Variants in PRDM5 observed in about 807,000 individuals in gnomAD.
PRDM5 encodes the protein PR domain zinc finger protein 5.
In PRDM5, 56 loss-of-function variants were observed where a neutral mutation model predicts 81.2. The observed-to-expected ratio is 0.69, with a 90% confidence interval of 0.56 to 0.86. PRDM5 has a LOEUF of 0.86. Among genes scored for constraint, PRDM5 ranks in the 40% least tolerant of loss-of-function variants. The pLI, the probability that PRDM5 is intolerant of heterozygous loss-of-function variation, is 0.00. For missense variants in PRDM5, 697 were observed against 770.1 expected (o/e 0.91, Z 1.12); for synonymous variants, 267 against 256.4 (o/e 1.04, Z -0.39).
At position 120,918,883 on chromosome 4, in the gene PRDM5, C is replaced by T. The variant is rs577602167; in HGVS notation, c.93+3633G>A. Among the ~76,000 whole-genome samples, 14 of 152,224 alleles carry T rather than the reference C, an allele frequency of 9.2e-5. No homozygotes were observed. In the South Asian group the frequency reaches 2.9e-3, roughly 32 times the overall value. On this transcript the variant is annotated intron_variant, in intron 1 of 15. Transcript: ENST00000264808. ...TGTCTGTTAACTCAGCAAAAAATTA[C>T]AAGATATAATTTTAGAAAAGGAGAG... is the stretch of plus-strand genomic sequence containing the variant.
At chr4:120,752,033 G>T (rs933443854) in intron 14 of PRDM5, among the ~76,000 whole-genome samples, 1 of 152,196 alleles carries the variant, frequency 6.6e-6, no homozygotes, top group Non-Finnish European at 1.5e-5. Flanking sequence ...ACTGAAATGT[G>T]TTATGGCCCA....
chr4:120,799,944 T>C (rs1484107417), intron 8 of PRDM5, among the ~76,000 whole-genome samples, 199 bp from the exon 9 acceptor site: 2 of 152,208 alleles, frequency 1.3e-5, no homozygotes, highest in African/African-American at 4.8e-5. Flanking sequence ...AAAAATATCT[T>C]TTGAGACATA....
At position 120,915,193 on chromosome 4, in the gene PRDM5, G is replaced by A. The variant is rs145564315; in HGVS notation, c.93+7323C>T. Among the ~76,000 whole-genome samples the A allele has an allele frequency of 3.7e-3, 565 of 152,038 alleles. 1 individual carries two copies. The highest frequency in any genetic ancestry group is 0.01 in the Middle Eastern group (3 of 294). On this transcript the variant is annotated intron_variant, in intron 1 of 15. Transcript: ENST00000264808. ...GTTTCCACCAAGAAGGTTAGTAAGAGTATCACTACTATCCTAACAATGAGA... is the reference window on the plus strand; with the variant it reads ...GTTTCCACCAAGAAGGTTAGTAAGAATATCACTACTATCCTAACAATGAGA...
At chr4:120,767,338 A>G (rs1746525087) in intron 13 of PRDM5, among the ~76,000 whole-genome samples, 1 of 152,218 alleles carries the variant, frequency 6.6e-6, no homozygotes, top group African/African-American at 2.4e-5. Flanking sequence ...CTGTCACTGT[A>G]CTGGACAGGA....
intron 13 of PRDM5, among the ~76,000 whole-genome samples, chr4:120,769,502 G>GAT (rs1746921587): frequency 6.6e-6 from 1 of 152,172 alleles, no homozygotes; most frequent in Non-Finnish European, 1.5e-5. Context: ...GTCGGTAGTT[G>GAT]ATAAGTCTCA....
chr4:120,784,482 T>C (rs1324329666), intron 11 of PRDM5, among the ~76,000 whole-genome samples: 1 of 152,156 alleles, frequency 6.6e-6, no homozygotes, highest in Admixed American at 6.6e-5. Flanking sequence ...TTGCTACTCC[T>C]TGCGCTGTGA....
chr4:120,802,754 G>GA (rs964295981), intron 8 of PRDM5, among the ~76,000 whole-genome samples: 1 of 152,102 alleles, frequency 6.6e-6, no homozygotes, highest in African/African-American at 2.4e-5. Context: ...CAAAGATGGG[G>GA]AAAAAAGCAG....
At chr4:120,779,799 A>G (rs1407291864) in intron 12 of PRDM5, among the ~76,000 whole-genome samples, 1 of 152,128 alleles carries the variant, frequency 6.6e-6, no homozygotes, top group African/African-American at 2.4e-5. Context: ...GCTACTTGGG[A>G]GTTTGAGGCT....
intron 14 of PRDM5, among the ~76,000 whole-genome samples, chr4:120,720,901 T>C (rs1188041483): frequency 2.0e-5 from 3 of 152,154 alleles, no homozygotes; most frequent in Non-Finnish European, 2.9e-5. Flanking sequence ...GGAAAATGAA[T>C]TGCACAAGCA....
chr4:120,713,541 T>C (rs1737315523), intron 14 of PRDM5, among the ~76,000 whole-genome samples: 1 of 152,242 alleles, frequency 6.6e-6, no homozygotes. Context: ...TTACATGTTT[T>C]AGATTGATCC....
intron 2 of PRDM5, among the ~76,000 whole-genome samples, chr4:120,900,002 A>T (rs80114095): frequency 0.066 from 10,039 of 152,272 alleles, 481 homozygotes; most frequent in Middle Eastern, 0.19. Context: ...GCATAGATAC[A>T]GAAAAAGGCA....
intron 3 of PRDM5, among the ~76,000 whole-genome samples, chr4:120,842,807 A>G (rs1173008433): frequency 3.3e-5 from 5 of 152,276 alleles, no homozygotes; most frequent in East Asian, 1.9e-4. Flanking sequence ...ACTATCACCA[A>G]TCCTATTACA....
intron 3 of PRDM5, among the ~76,000 whole-genome samples, chr4:120,825,308 A>C (rs1755817052): frequency 6.6e-6 from 1 of 152,180 alleles, no homozygotes; most frequent in African/African-American, 2.4e-5. Flanking sequence ...ACTATTTAAT[A>C]AAAACTTGAA....
intron 10 of PRDM5, among the ~76,000 whole-genome samples, chr4:120,795,032 C>T (rs1751153377): frequency 1.3e-5 from 2 of 152,134 alleles, no homozygotes; most frequent in Non-Finnish European, 1.5e-5. Context: ...GACATTAAGG[C>T]CCAATGGAAT....
chr4:120,698,388 T>C (rs1185243724), intron 15 of PRDM5, among the ~76,000 whole-genome samples: 1 of 152,186 alleles, frequency 6.6e-6, no homozygotes, highest in Non-Finnish European at 1.5e-5. Flanking sequence ...ATCTGGCCTT[T>C]TATTCCCCTT....
At chr4:120,902,388 G>T (rs576821141) in intron 2 of PRDM5, among the ~76,000 whole-genome samples, 4 of 152,290 alleles carry the variant, frequency 2.6e-5, no homozygotes, top group Non-Finnish European at 5.9e-5. Context: ...TAAAAACAAA[G>T]AATTATTGAG....
At position 120,849,987 on chromosome 4, in the gene PRDM5, G is replaced by A. The variant is rs181724654; in HGVS notation, c.300+3431C>T. ...GAAGAACTGTTTGCTTACTAGATCCGTCTTTGATAATTCAGATACTTAAGT... is the reference window on the plus strand; with the variant it reads ...GAAGAACTGTTTGCTTACTAGATCCATCTTTGATAATTCAGATACTTAAGT... On this transcript the variant is annotated intron_variant, in intron 3 of 15. Coordinates refer to ENST00000264808, the MANE Select transcript of PRDM5 (RefSeq NM_018699.4). Among the ~76,000 whole-genome samples, 55 of 152,050 alleles carry A rather than the reference G, an allele frequency of 3.6e-4. No homozygotes were observed. In the East Asian group the frequency reaches 9.3e-3, roughly 26 times the overall value.
At chr4:120,702,211 C>T (rs7437685) in intron 15 of PRDM5, among the ~76,000 whole-genome samples, 122,081 of 152,174 alleles carry the variant, frequency 0.8, 50,169 homozygotes, top group East Asian at 0.91. Context: ...GTTGAAATGA[C>T]TTTTTGAAAA....
intron 15 of PRDM5, among the ~76,000 whole-genome samples, chr4:120,702,569 C>T (rs1735543918): frequency 6.6e-6 from 1 of 152,018 alleles, no homozygotes; most frequent in African/African-American, 2.4e-5. Context: ...AGAGTAGCCA[C>T]TACATAAAAA....
Sources: allele counts gnomAD v4.1 joint callset (sites outside exome capture counted in the v4.1 genomes callset), GRCh38; gene constraint gnomAD v4.1.1; transcripts MANE v1.5; gene names NCBI Gene and HGNC (gene_info 2026-07-23, HGNC 2026-07-21).